ARHGEF10L: variants seen among roughly 807,000 people sequenced by gnomAD.
ARHGEF10L encodes Rho guanine nucleotide exchange factor 10 like, also known as rho guanine nucleotide exchange factor 10-like protein.
In ARHGEF10L, 69 loss-of-function variants were observed where a neutral mutation model predicts 141.2. The observed-to-expected ratio is 0.49, with a 90% CI of 0.40 to 0.60. The LOEUF (loss-of-function observed/expected upper bound fraction) is 0.60, where lower values mean the gene tolerates loss of function less well. Among genes scored for constraint, ARHGEF10L ranks in the 20% least tolerant of loss-of-function variants. The pLI, the probability that ARHGEF10L is intolerant of heterozygous loss-of-function variation, is 0.00. For synonymous variants in ARHGEF10L, 711 were observed against 718.5 expected, an observed-to-expected ratio of 0.99 and a Z score of 0.17; for missense variants, 1,482 against 1,734.3, an observed-to-expected ratio of 0.85 and a Z score of 2.58.
intron 26 of ARHGEF10L, among the ~76,000 whole-genome samples, chr1:17,666,704 T>C (rs937233016): frequency 6.6e-6 from 1 of 150,940 alleles, no homozygotes; most frequent in Non-Finnish European, 1.5e-5. Context: ...CCCTGGTTCA[T>C]GCTGGGGGCT....
chr1:17,689,624 T>TCTCTCCCTC (rs2064941286), intron 27 of ARHGEF10L: 1 of 156,176 alleles, frequency 6.4e-6, no homozygotes, highest in Non-Finnish European at 1.2e-5. Context: ...CCTCCCTCCC[T>TCTCTCCCTC]CCTTCCTCCC....
intron 1 of ARHGEF10L, among the ~76,000 whole-genome samples, chr1:17,569,820 C>T (rs2077918338): frequency 2.6e-5 from 4 of 152,218 alleles, no homozygotes; most frequent in Non-Finnish European, 5.9e-5. Flanking sequence ...CTTTGCCGGC[C>T]ACATGCTTCT....
At chr1:17,669,829 A>G (rs1415522349) in intron 26 of ARHGEF10L, among the ~76,000 whole-genome samples, 1 of 152,248 alleles carries the variant, frequency 6.6e-6, no homozygotes, top group Non-Finnish European at 1.5e-5. Context: ...TGGGCTCAGC[A>G]GTCCAGGAGC....
chr1:17,584,482 C>T (rs2078855071), intron 2 of ARHGEF10L, among the ~76,000 whole-genome samples: 1 of 152,040 alleles, frequency 6.6e-6, no homozygotes, highest in Non-Finnish European at 1.5e-5. Context: ...AAAATACCTG[C>T]CCTCGTGAAG....
rs2100580336 is a variant in ARHGEF10L, at chr1:17,539,749, C to T, written c.-245C>T. 1 of 146,138 alleles carries T rather than the reference C, an allele frequency of 6.8e-6. No individual in the cohort carries two copies. Among genetic ancestry groups the T allele is most frequent in the African/African-American group, 2.5e-5 (1 of 40,666 alleles). The allele number at this position is 146,138 out of a possible 1,614,324, so 9.1% of individuals were successfully genotyped here. ...ACCAGGCCTCGGAGCGCGGCGGGCG[C>T]GGGCGCAGTCCCGGCGGGCCCGGAC... On this transcript the variant is annotated 5_prime_UTR_variant, in exon 1 of 29. Coordinates refer to ENST00000361221, the MANE Select transcript of ARHGEF10L (RefSeq NM_018125.4). The surrounding 1 kb of genome is among the most constrained non-coding windows in gnomAD (Gnocchi z 6.0).
In ARHGEF10L at chr1:17,554,583, C is replaced by CTT. The variant is rs970778480; in HGVS notation, c.-44+14654_-44+14655dup. ...CCTCCCTCCCTCCTTTCCTTCCTTC[C>CTT]TTTTTTTTTTTTTTTTTTTTTTGAC... is the stretch of plus-strand genomic sequence containing the variant. On this transcript the variant is annotated intron_variant, in intron 1 of 28. Transcript: ENST00000361221. 8.1e-3 allele frequency among the ~76,000 whole-genome samples: 990 copies of CTT among 122,298 alleles called. 32 individuals carry two copies. The highest frequency in any genetic ancestry group is 0.03 in the African/African-American group (855 of 28,498). The allele number at this position is 122,298 out of a possible 152,430, so 80.2% of individuals were successfully genotyped here. A position where few individuals can be genotyped will look rare whatever the true frequency, so the allele number is the denominator to read the frequency against.
At chr1:17,553,803 T>C (rs187685239) in intron 1 of ARHGEF10L, among the ~76,000 whole-genome samples, 1 of 151,980 alleles carries the variant, frequency 6.6e-6, no homozygotes, top group East Asian at 1.9e-4. Flanking sequence ...AAATAAAAAA[T>C]ATATAGCTTA....
chr1:17,651,836 G>T (rs991515760), intron 22 of ARHGEF10L, among the ~76,000 whole-genome samples: 1 of 152,152 alleles, frequency 6.6e-6, no homozygotes, highest in African/African-American at 2.4e-5. Flanking sequence ...GAGCCTGCCT[G>T]GCTGCACTAG....
At chr1:17,674,760 G>T (rs1049690913) in intron 26 of ARHGEF10L, among the ~76,000 whole-genome samples, 1 of 152,150 alleles carries the variant, frequency 6.6e-6, no homozygotes, top group African/African-American at 2.4e-5. Flanking sequence ...GTATTTTACT[G>T]TACCTTTTCT....
In ARHGEF10L at chr1:17,639,125, G is replaced by C. The variant is rs2061185616; in HGVS notation, c.2171+436G>C. 6.6e-6 allele frequency among the ~76,000 whole-genome samples: 1 copy of C among 152,232 alleles called. No homozygotes were observed. Among genetic ancestry groups the C allele is most frequent in the Non-Finnish European group, 1.5e-5 (1 of 68,040 alleles). On this transcript the variant is annotated intron_variant, in intron 20 of 28. Transcript: ENST00000361221. The surrounding 1 kb of genome is among the most constrained non-coding windows in gnomAD (Gnocchi z 4.3). ...CTGTGCACAGTAGACCCCAACTGAG[G>C]TTTGTGGAACTGATGACAGCCATAG...
At chr1:17,638,410 T>C (rs2061142673) in intron 19 of ARHGEF10L, 152 bp from the exon 20 acceptor site, 2 of 1,165,876 alleles carry the variant, frequency 1.7e-6, no homozygotes, top group Non-Finnish European at 2.4e-6. Flanking sequence ...CGAGTTGGCC[T>C]CCTGCGTGGG....
At chr1:17,622,961 C>A (rs747612114) in intron 11 of ARHGEF10L, 35 bp from the exon 12 acceptor site, 2 of 1,590,500 alleles carry the variant, frequency 1.3e-6, no homozygotes, top group Admixed American at 3.5e-5. Flanking sequence ...GAGGCTGCGG[C>A]CTGGCCTGCG....
chr1:17,513,936 G>T, the ARHGEF10L span, among the ~76,000 whole-genome samples: 152,097 of 152,106 alleles, frequency 1, 76,044 homozygotes, highest in Non-Finnish European at 1. Context: ...GCGATTCTCC[G>T]GCCTCAGGCT....
Position 17,621,867 on chromosome 1 carries a change from G to T in ARHGEF10L, c.946G>T (p.Val316Phe), listed in dbSNP as rs2060127695. The stretch of plus-strand genomic sequence containing the variant: ...CCGTGCTTTTTGGCCCGAGCAGGTG[G>T]TCCGGAGGCATATCCTGGGCTCCAT... ...MPEGLSPQQV[V>F]RRHILGSIVQ... The change falls in exon 11 of 29, where the codon GTC (valine) becomes TTC (phenylalanine). Residue 316 changes from valine to phenylalanine, a missense_variant. Val to Phe is a conservative substitution (Grantham distance 50). Coordinates refer to ENST00000361221, the MANE Select transcript of ARHGEF10L (RefSeq NM_018125.4). This position sits in a 1 kb window ranked among gnomAD's most constrained non-coding sequence, Gnocchi z 4.1. 9 of 1,614,008 alleles carry T rather than the reference G, an allele frequency of 5.6e-6. No individual in the cohort carries two copies. The South Asian group carries it at 7.7e-5, about 14-fold the overall frequency.
intron 5 of ARHGEF10L, among the ~76,000 whole-genome samples, chr1:17,602,990 C>T (rs778834889): frequency 1.3e-4 from 19 of 151,542 alleles, no homozygotes; most frequent in Non-Finnish European, 2.2e-4. Context: ...AGAGGGGGCT[C>T]TGACAGGGCT....
chr1:17,683,227 CCGGG>C (rs2064275471), intron 26 of ARHGEF10L, among the ~76,000 whole-genome samples: 1 of 119,750 alleles, frequency 8.4e-6, no homozygotes. Flanking sequence ...CTGCTCTCAC[CCGGG>C]TGCTCACTGC....
intron 28 of ARHGEF10L, among the ~76,000 whole-genome samples, chr1:17,696,407 C>A (rs538304520): frequency 6.6e-6 from 1 of 151,966 alleles, no homozygotes; most frequent in Non-Finnish European, 1.5e-5. Context: ...CATCATAGCT[C>A]GGGTGACAGG....
At chr1:17,576,202 G>A (rs2078216054) in intron 1 of ARHGEF10L, among the ~76,000 whole-genome samples, 1 of 152,144 alleles carries the variant, frequency 6.6e-6, no homozygotes, top group South Asian at 2.1e-4. Flanking sequence ...CCCGGGGTGG[G>A]ACAGGGGCAG....
At chr1:17,570,153 G>A (rs993272422) in intron 1 of ARHGEF10L, among the ~76,000 whole-genome samples, 6 of 152,258 alleles carry the variant, frequency 3.9e-5, no homozygotes, top group African/African-American at 1.4e-4. Flanking sequence ...GGTCGCCTGT[G>A]TGTCAGGCCT....
Sources: allele counts gnomAD v4.1 joint callset (sites outside exome capture counted in the v4.1 genomes callset), GRCh38; gene constraint gnomAD v4.1.1; non-coding constraint Gnocchi (gnomAD v3.1); transcripts MANE v1.5; gene names NCBI Gene and HGNC (gene_info 2026-07-23, HGNC 2026-07-21).